The following GMNC variants were observed in gnomAD, a reference collection of about 807,000 sequenced individuals.
GMNC encodes geminin coiled-coil domain containing.
GMNC carries 16 observed loss-of-function variants against 33.6 expected under a neutral mutation model. That is an observed-to-expected ratio of 0.48 (90% confidence interval 0.32 to 0.72). The LOEUF is 0.72. Ranked by LOEUF, GMNC falls within the 30% of genes least tolerant of loss-of-function variation. The probability of loss-of-function intolerance (pLI) is 0.03; values close to 1 mark genes in which losing one functional copy is unlikely to be tolerated. For missense variants in GMNC, 393 were observed against 388.9 expected, an observed-to-expected ratio of 1.01 and a Z score of -0.09; for synonymous variants, 156 against 147.3, an observed-to-expected ratio of 1.06 and a Z score of -0.43.
At chr3:190,857,711 T>C in intron 4 of GMNC, 72 bp downstream of exon 4, 2 of 789,126 alleles carry the variant, frequency 2.5e-6, no homozygotes, top group Non-Finnish European at 4.3e-6. Context: ...AATCAAGGAG[T>C]TTTACATAAA....
rs1027868134 is a variant in GMNC, at chr3:190,855,652, G to T, written c.648C>A (p.Pro216=). ...GGGAAAATGTGCTGGCGACTCTTCT[G>T]GGATGAGATGCGAGGGCACTGTAGT... ...SANYSALASH[P]RRVASTFSQF... Residue 216 remains proline (P), a synonymous_variant, in exon 5 of 5, where the codon CCC becomes CCA. Coordinates refer to ENST00000442080, the MANE Select transcript of GMNC (RefSeq NM_001146686.3). 7 of 1,551,438 alleles carry T rather than the reference G, an allele frequency of 4.5e-6. No individual in the cohort carries two copies. The highest frequency in any genetic ancestry group is 6.1e-6 in the Non-Finnish European group (7 of 1,146,910).
At position 190,853,524 on chromosome 3, in the gene GMNC, A is replaced by G. The variant is rs1737670506; in HGVS notation, c.*1771T>C. 1 of 152,122 alleles carries G rather than the reference A, an allele frequency of 6.6e-6. No individual in the cohort carries two copies. Among genetic ancestry groups the G allele is most frequent in the African/African-American group, 2.4e-5 (1 of 41,436 alleles). The allele number at this position is 152,122 out of a possible 1,614,324, so 9.4% of individuals were successfully genotyped here. ...AAAGTGGGTGGCAACAAAACTTTATAAAACAGACCCTTTGCTTACATCACC... is the reference window on the plus strand; with the variant it reads ...AAAGTGGGTGGCAACAAAACTTTATGAAACAGACCCTTTGCTTACATCACC... On this transcript the variant is annotated 3_prime_UTR_variant, in exon 5 of 5. Transcript: ENST00000442080.
the GMNC span, among the ~76,000 whole-genome samples, chr3:190,844,418 C>A: frequency 6.6e-6 from 1 of 151,200 alleles, no homozygotes; most frequent in Admixed American, 6.6e-5. Flanking sequence ...AATGAAGTTG[C>A]AATTGTGTTT....
chr3:190,860,913 A>G (rs920393128), intron 1 of GMNC, 55 bp from the exon 2 acceptor site: 1 of 1,292,674 alleles, frequency 7.7e-7, no homozygotes, highest in Non-Finnish European at 1.1e-6. Context: ...GGTGATGGAG[A>G]TTTAGAAGGG....
Position 190,862,652 on chromosome 3 carries a change from A to T in GMNC, c.-37T>A. On this transcript the variant is annotated 5_prime_UTR_variant, in exon 1 of 5. Transcript: ENST00000442080. The surrounding 1 kb of genome is among the most constrained non-coding windows in gnomAD (Gnocchi z 4.5). ...AGAAAGCGCTGCAGAAACTGAGCCC[A>T]CTCAATTTTTCAGTAAAACCAGTGG... 1 of 1,552,194 alleles carries T rather than the reference A, an allele frequency of 6.4e-7. No homozygotes were observed. Among genetic ancestry groups the T allele is most frequent in the Non-Finnish European group, 8.7e-7 (1 of 1,147,068 alleles).
chr3:190,857,664 C>A, intron 4 of GMNC, 119 bp downstream of exon 4: 2 of 552,452 alleles, frequency 3.6e-6, no homozygotes, highest in South Asian at 2.9e-5. Context: ...TAAGAAAAAC[C>A]ATCCATCTTA....
At chr3:190,847,728 G>T in the GMNC span, among the ~76,000 whole-genome samples, 4 of 152,082 alleles carry the variant, frequency 2.6e-5, no homozygotes, top group African/African-American at 9.6e-5. Flanking sequence ...ACCTCCATTT[G>T]CCTGCAAAGG....
chr3:190,846,855 ACAT>A, the GMNC span, among the ~76,000 whole-genome samples: 1 of 152,194 alleles, frequency 6.6e-6, no homozygotes, highest in Non-Finnish European at 1.5e-5. Context: ...TTTGAGGTAA[ACAT>A]CATAAATATT....
chr3:190,848,943 A>T (rs907695547), downstream of GMNC, among the ~76,000 whole-genome samples: 38 of 152,208 alleles, frequency 2.5e-4, no homozygotes, highest in African/African-American at 9.2e-4. Flanking sequence ...ATCAACTGAC[A>T]TAAATAAATT....
At chr3:190,843,686 C>G in the GMNC span, among the ~76,000 whole-genome samples, 1 of 152,170 alleles carries the variant, frequency 6.6e-6, no homozygotes, top group Non-Finnish European at 1.5e-5. Flanking sequence ...CAAAATTCTT[C>G]TCATACGTAC....
Position 190,855,152 on chromosome 3 carries a change from A to T in GMNC, c.*143T>A. On this transcript the variant is annotated 3_prime_UTR_variant, in exon 5 of 5. Coordinates refer to ENST00000442080, the MANE Select transcript of GMNC (RefSeq NM_001146686.3). ...CTTGGAAGCCATTCCCTGCAGATTT[A>T]AGTGGGTAATTGAGAGTGACATTTA... 1.3e-6 allele frequency: 1 copy of T among 787,172 alleles called. No individual in the cohort carries two copies. Among genetic ancestry groups the T allele is most frequent in the Non-Finnish European group, 2.0e-6 (1 of 505,958 alleles). The allele number at this position is 787,172 out of a possible 1,614,324, so 48.8% of individuals were successfully genotyped here. A position where few individuals can be genotyped will look rare whatever the true frequency, so the allele number is the denominator to read the frequency against.
In GMNC at chr3:190,860,747, C is replaced by T. The variant is rs1338236669; in HGVS notation, c.115G>A (p.Val39Ile). Residue 39 changes from valine to isoleucine, a missense_variant, in exon 2 of 5, where the codon GTC (valine) becomes ATC (isoleucine). Coordinates refer to ENST00000442080, the MANE Select transcript of GMNC (RefSeq NM_001146686.3). ...SSVDVSTETWVSFWAAGLLDN... is the reference protein window; with the variant it reads ...SSVDVSTETWISFWAAGLLDN... ...AGGAGACCAGCAGCCCAGAAAGAGA[C>T]CCAAGTCTCCGTGGAAACGTCAACA... 7 of 1,551,420 alleles carry T rather than the reference C, an allele frequency of 4.5e-6. No individual in the cohort carries two copies. Among genetic ancestry groups the T allele is most frequent in the South Asian group, 3.6e-5 (3 of 84,044 alleles).
At chr3:190,852,231 C>T (rs539478049), downstream of GMNC, among the ~76,000 whole-genome samples, 1 of 152,234 alleles carries the variant, frequency 6.6e-6, no homozygotes, top group African/African-American at 2.4e-5. Context: ...TTCTCCACAT[C>T]TATGCTACAG....
chr3:190,860,516 G>A lies in GMNC; in HGVS notation c.178+168C>T, dbSNP rs571843053. Reference sequence around the variant, plus strand: ...TAAAGAATCCCATTTTCACTATTTGGCAAGTGTAAAGCAGCAGGCTTTATG... The same window carrying A: ...TAAAGAATCCCATTTTCACTATTTGACAAGTGTAAAGCAGCAGGCTTTATG... On this transcript the variant is annotated intron_variant, in intron 2 of 4. Coordinates refer to ENST00000442080, the MANE Select transcript of GMNC (RefSeq NM_001146686.3). 2.0e-5 allele frequency among the ~76,000 whole-genome samples: 3 copies of A among 152,300 alleles called. No individual in the cohort carries two copies. The East Asian group carries it at 5.8e-4, about 29-fold the overall frequency.
chr3:190,855,812 G>A lies in GMNC; in HGVS notation c.488C>T (p.Pro163Leu), dbSNP rs1044465295. The part of the protein sequence containing the change: ...QRYSPAEIPH[P>L]KNAKRNLSSE... ...AGAGAGGTTTCTTTTGGCATTTTTGGGATGGGGAATCTCAGCAGGAGAGTA... is the reference window on the plus strand; with the variant it reads ...AGAGAGGTTTCTTTTGGCATTTTTGAGATGGGGAATCTCAGCAGGAGAGTA... The change falls in exon 5 of 5, where the codon CCC becomes CTC. Residue 163 changes from proline to leucine, a missense_variant. Pro to Leu is a moderately conservative substitution (Grantham distance 98, BLOSUM62 -3). Coordinates refer to ENST00000442080, the MANE Select transcript of GMNC (RefSeq NM_001146686.3). 6.4e-6 allele frequency: 10 copies of A among 1,551,390 alleles called. No individual in the cohort carries two copies. Among genetic ancestry groups the A allele is most frequent in the Non-Finnish European group, 8.7e-6 (10 of 1,146,836 alleles).
chr3:190,844,001 A>T, the GMNC span, among the ~76,000 whole-genome samples: 6 of 152,218 alleles, frequency 3.9e-5, no homozygotes, highest in Non-Finnish European at 5.9e-5. Flanking sequence ...ATTTGAATAA[A>T]TAAGAATCCA....
chr3:190,848,396 T>A (rs576615991), downstream of GMNC, among the ~76,000 whole-genome samples: 10 of 152,334 alleles, frequency 6.6e-5, no homozygotes, highest in African/African-American at 2.2e-4. Flanking sequence ...TTGTTGTGAT[T>A]CTAACTTTAT....
At position 190,853,130 on chromosome 3, in the gene GMNC, C is replaced by T. The variant is rs371479483; in HGVS notation, c.*2165G>A. The T allele has an allele frequency of 2.6e-5, 4 of 151,610 alleles. No homozygotes were observed. In the South Asian group the frequency reaches 6.2e-4, roughly 24 times the overall value. The allele number at this position is 151,610 out of a possible 1,614,324, so 9.4% of individuals were successfully genotyped here. On this transcript the variant is annotated 3_prime_UTR_variant, in exon 5 of 5. Coordinates refer to ENST00000442080, the MANE Select transcript of GMNC (RefSeq NM_001146686.3). ...ATGACATTTTACATGGTTTTGTATA[C>T]CAAATGCATTGTGCTAAGCCTGGGT...
chr3:190,848,785 G>C (rs955438418), downstream of GMNC, among the ~76,000 whole-genome samples: 5 of 152,172 alleles, frequency 3.3e-5, no homozygotes, highest in Non-Finnish European at 7.3e-5. Flanking sequence ...CTCCATTTTA[G>C]ATGTGGATAC....
Sources: gnomAD v4.1 joint callset for allele counts (sites outside exome capture counted in the v4.1 genomes callset) on GRCh38, gnomAD v4.1.1 for gene constraint, Gnocchi (gnomAD v3.1) non-coding constraint, MANE v1.5 for transcripts, NCBI Gene and HGNC (gene_info 2026-07-23, HGNC 2026-07-21) for gene names.